INPP4A: variants seen among roughly 807,000 people sequenced by gnomAD.
INPP4A encodes inositol polyphosphate-4-phosphatase, type I, 107kD.
INPP4A carries 33 observed loss-of-function variants against 119.8 expected under a neutral mutation model. That is an observed-to-expected ratio of 0.28 (90% CI 0.21 to 0.37). The LOEUF is 0.37. Among genes scored for constraint, INPP4A ranks in the 10% least tolerant of loss-of-function variants. The pLI is 1.00. For synonymous variants in INPP4A, 496 were observed against 500.7 expected (o/e 0.99, Z 0.12); for missense variants, 956 against 1,289.9 (o/e 0.74, Z 3.97).
At chr2:98,565,996 CACACT>C (rs765945973) in intron 20 of INPP4A, 28 bp from the exon 21 acceptor site, 1 of 1,591,760 alleles carries the variant, frequency 6.3e-7, no homozygotes, top group Non-Finnish European at 8.6e-7. Context: ...CCTCTGGCCT[CACACT>C]GCTCTCCCTC....
At position 98,533,477 on chromosome 2, in the gene INPP4A, A is replaced by G. The variant is rs374197209; in HGVS notation, c.252A>G (p.Ala84=). The G allele has an allele frequency of 1.2e-6, 2 of 1,610,664 alleles. No homozygotes were observed. The highest frequency in any genetic ancestry group is 1.7e-6 in the Non-Finnish European group (2 of 1,177,110). Reference sequence around the variant, plus strand: ...CTCAGGCATTCTGGACGAAGCATGCACAGACGGAGATCATTGAGGTGGGTG... The same window carrying G: ...CTCAGGCATTCTGGACGAAGCATGCGCAGACGGAGATCATTGAGGTGGGTG... ...TPPQAFWTKH[A]QTEIIEGTNN... The change falls in exon 5 of 25, where the codon GCA becomes GCG. Residue 84 remains alanine, a synonymous_variant. Coordinates refer to ENST00000409851, the MANE Select transcript of INPP4A (RefSeq NM_001134225.2).
intron 10 of INPP4A, among the ~76,000 whole-genome samples, chr2:98,541,444 T>C (rs1366281170): frequency 6.6e-6 from 1 of 152,254 alleles, no homozygotes; most frequent in Non-Finnish European, 1.5e-5. Flanking sequence ...TATTTTAATA[T>C]TTTAATTATA....
intron 1 of INPP4A, among the ~76,000 whole-genome samples, chr2:98,492,761 A>G (rs1438094597): frequency 1.3e-5 from 2 of 152,186 alleles, no homozygotes; most frequent in Non-Finnish European, 2.9e-5. Flanking sequence ...TCGATATCTG[A>G]GGGACTCACT....
intron 11 of INPP4A, 56 bp downstream of exon 11, chr2:98,544,063 AC>A: frequency 8.4e-7 from 1 of 1,195,686 alleles, no homozygotes; most frequent in Non-Finnish European, 1.1e-6. Flanking sequence ...ACACACACAC[AC>A]TCTCACTCTC....
chr2:98,590,548 ATTG>A lies in INPP4A; in HGVS notation c.*2946_*2948del, dbSNP rs1284435486. On this transcript the variant is annotated 3_prime_UTR_variant, in exon 25 of 25. Transcript: ENST00000409851. ...AAGTACGTGTTCATAAATGGTAGCC[ATTG>A]TTGTTACCTTCCCGTCTGTGAACAT... 2 of 195,762 alleles carry A rather than the reference ATTG, an allele frequency of 1.0e-5. No individual in the cohort carries two copies. Among genetic ancestry groups the A allele is most frequent in the Non-Finnish European group, 2.1e-5 (2 of 94,402 alleles). The allele number at this position is 195,762 out of a possible 1,614,324, so 12.1% of individuals were successfully genotyped here. A position where few individuals can be genotyped will look rare whatever the true frequency, so the allele number is the denominator to read the frequency against.
chr2:98,538,905 C>G lies in INPP4A; in HGVS notation c.594C>G (p.Val198=), dbSNP rs375325913. 1.2e-6 allele frequency: 2 copies of G among 1,605,230 alleles called. No homozygotes were observed. Among genetic ancestry groups the G allele is most frequent in the Non-Finnish European group, 1.7e-6 (2 of 1,172,618 alleles). The change falls in exon 9 of 25, where the codon GTC becomes GTG. Residue 198 remains valine (V), a synonymous_variant. Transcript: ENST00000409851. ...DTVNGRMVLP[V]DESLTEALGI... is the part of the protein sequence containing the mutation. The stretch of plus-strand genomic sequence containing the variant: ...TACATTATCAGATGGTTCTTCCTGT[C>G]GATGAGAGCTTGACGGAGGCGTTAG...
At chr2:98,466,271 C>T (rs1674763596) in intron 1 of INPP4A, among the ~76,000 whole-genome samples, 1 of 152,246 alleles carries the variant, frequency 6.6e-6, no homozygotes, top group South Asian at 2.1e-4. Flanking sequence ...GTCTTGAACT[C>T]TTGACCTCAA....
intron 1 of INPP4A, among the ~76,000 whole-genome samples, chr2:98,479,540 G>T (rs1178869501): frequency 6.6e-6 from 1 of 152,168 alleles, no homozygotes; most frequent in Non-Finnish European, 1.5e-5. Context: ...AGTGTGGGCT[G>T]CATCAGGATC....
At chr2:98,520,641 A>C (rs1387543958) in intron 3 of INPP4A, 46 bp from the exon 4 acceptor site, 1 of 1,254,554 alleles carries the variant, frequency 8.0e-7, no homozygotes, top group African/African-American at 1.5e-5. Context: ...GAAAACAGAG[A>C]AAAGTTTATT....
intron 7 of INPP4A, 83 bp from the exon 8 acceptor site, chr2:98,537,780 C>T (rs1690606939): frequency 9.5e-7 from 1 of 1,051,010 alleles, no homozygotes. Flanking sequence ...ACCCTGATGA[C>T]CCAGTACGGC....
chr2:98,459,849 C>G (rs1005143710), intron 1 of INPP4A, among the ~76,000 whole-genome samples: 1 of 152,168 alleles, frequency 6.6e-6, no homozygotes, highest in African/African-American at 2.4e-5. Context: ...AGCCTGCTTC[C>G]CTGAGGTCAA....
chr2:98,556,496 C>T (rs1484150839), intron 16 of INPP4A, among the ~76,000 whole-genome samples: 4 of 152,220 alleles, frequency 2.6e-5, no homozygotes, highest in African/African-American at 9.6e-5. Context: ...GGCCTTAAAG[C>T]TGGGAAACAG....
chr2:98,513,484 T>C (rs896100650), intron 1 of INPP4A, among the ~76,000 whole-genome samples: 9 of 152,142 alleles, frequency 5.9e-5, no homozygotes, highest in South Asian at 2.1e-4. Flanking sequence ...CTCACTCACT[T>C]ACTCACTCAT....
intron 19 of INPP4A, among the ~76,000 whole-genome samples, chr2:98,565,084 G>A (rs1319206052): frequency 2.6e-5 from 4 of 152,240 alleles, no homozygotes; most frequent in African/African-American, 7.2e-5. Flanking sequence ...TGAATGACTG[G>A]AAGGAGAGTT....
chr2:98,480,551 T>C (rs1678202329), intron 1 of INPP4A, among the ~76,000 whole-genome samples: 1 of 152,230 alleles, frequency 6.6e-6, no homozygotes. Flanking sequence ...GCACTGACAT[T>C]CTGGGCATTA....
intron 4 of INPP4A, among the ~76,000 whole-genome samples, chr2:98,532,973 C>A (rs1229021267): frequency 6.6e-6 from 1 of 152,214 alleles, no homozygotes; most frequent in East Asian, 1.9e-4. Context: ...CCACAGCAGT[C>A]ACAGGATGCA....
chr2:98,531,897 A>G (rs1037319636), intron 4 of INPP4A, among the ~76,000 whole-genome samples: 4 of 152,264 alleles, frequency 2.6e-5, no homozygotes, highest in African/African-American at 9.6e-5. Flanking sequence ...ATTCAAAGAC[A>G]TAAGATTTGG....
At chr2:98,447,474 G>A (rs1694387479) in intron 1 of INPP4A, among the ~76,000 whole-genome samples, 1 of 151,926 alleles carries the variant, frequency 6.6e-6, no homozygotes, top group Non-Finnish European at 1.5e-5. Flanking sequence ...GTGTTTTTAA[G>A]GAAAATACCA....
At chr2:98,487,317 G>A (rs933762005) in intron 1 of INPP4A, among the ~76,000 whole-genome samples, 14 of 152,204 alleles carry the variant, frequency 9.2e-5, no homozygotes, top group Non-Finnish European at 1.8e-4. Context: ...TAGGCTCCTT[G>A]TGGTTGTGAG....
Sources: gnomAD v4.1 joint callset for allele counts (sites outside exome capture counted in the v4.1 genomes callset) on GRCh38, gnomAD v4.1.1 for gene constraint, MANE v1.5 for transcripts, NCBI Gene and HGNC (gene_info 2026-07-23, HGNC 2026-07-21) for gene names.